SHC4: variants seen among roughly 807,000 people sequenced by gnomAD.
SHC4 encodes the protein SHC adaptor protein 4.
Under a neutral mutation model 69.4 loss-of-function variants are expected in SHC4, and 41 were observed. That is an observed-to-expected ratio of 0.59 (90% CI 0.46 to 0.77). The LOEUF (loss-of-function observed/expected upper bound fraction) is 0.77. SHC4 is among the 30% of genes least tolerant of loss of function. The probability of loss-of-function intolerance (pLI) is 0.00; values close to 1 mark genes in which losing one functional copy is unlikely to be tolerated. For synonymous variants in SHC4, 318 were observed against 299.3 expected, an observed-to-expected ratio of 1.06 and a Z score of -0.64; for missense variants, 777 against 783.8, an observed-to-expected ratio of 0.99 and a Z score of 0.10.
At chr15:48,870,907 T>C (rs1899662175) in intron 5 of SHC4, among the ~76,000 whole-genome samples, 1 of 152,204 alleles carries the variant, frequency 6.6e-6, no homozygotes, top group Non-Finnish European at 1.5e-5. Context: ...CTTTACTTCC[T>C]TTTAGGATAT....
At chr15:48,869,306 T>G (rs1899621181) in intron 5 of SHC4, among the ~76,000 whole-genome samples, 1 of 152,082 alleles carries the variant, frequency 6.6e-6, no homozygotes. Flanking sequence ...AAAATGAGGG[T>G]GAGCAAAGGC....
At chr15:48,848,090 C>A (rs1899129474) in intron 9 of SHC4, among the ~76,000 whole-genome samples, 1 of 151,312 alleles carries the variant, frequency 6.6e-6, no homozygotes, top group Non-Finnish European at 1.5e-5. Context: ...GATAGGATTA[C>A]CTGATTTATA....
chr15:48,826,185 T>C, intron 11 of SHC4, 59 bp from the exon 12 acceptor site: 6 of 1,489,734 alleles, frequency 4.0e-6, no homozygotes, highest in East Asian at 2.3e-5. Flanking sequence ...CTGAAAGATA[T>C]AAATAATAAG....
intron 1 of SHC4, among the ~76,000 whole-genome samples, chr15:48,932,954 A>T (rs1179323513): frequency 1.3e-5 from 2 of 151,912 alleles, no homozygotes; most frequent in African/African-American, 4.8e-5. Context: ...ATATGCATAT[A>T]AAAAAAATCA....
At chr15:48,937,960 AG>A (rs1468686593) in intron 1 of SHC4, among the ~76,000 whole-genome samples, 3 of 152,228 alleles carry the variant, frequency 2.0e-5, no homozygotes, top group Admixed American at 1.3e-4. Flanking sequence ...GAGATCTAAA[AG>A]TTGCAACCAA....
At chr15:48,828,280 T>C (rs1281989440) in intron 11 of SHC4, among the ~76,000 whole-genome samples, 1 of 152,144 alleles carries the variant, frequency 6.6e-6, no homozygotes, top group East Asian at 1.9e-4. Flanking sequence ...TTTATACCCA[T>C]CAAACAGCAA....
At chr15:48,874,601 C>A (rs577642199) in intron 4 of SHC4, among the ~76,000 whole-genome samples, 3 of 152,312 alleles carry the variant, frequency 2.0e-5, no homozygotes, top group Admixed American at 1.3e-4. Context: ...TTATGAGAAT[C>A]TAATGCTTGA....
intron 11 of SHC4, among the ~76,000 whole-genome samples, chr15:48,829,008 C>A (rs1898745737): frequency 6.6e-6 from 1 of 152,134 alleles, no homozygotes; most frequent in Non-Finnish European, 1.5e-5. Context: ...TGTGCAGAAG[C>A]TTTTTAGTTT....
At chr15:48,944,571 G>A (rs1901239548) in intron 1 of SHC4, among the ~76,000 whole-genome samples, 1 of 152,154 alleles carries the variant, frequency 6.6e-6, no homozygotes, top group Non-Finnish European at 1.5e-5. Context: ...AAAGCTGGAA[G>A]GATCCTGGGT....
chr15:48,858,637 T>C (rs1899378338), intron 6 of SHC4, among the ~76,000 whole-genome samples: 1 of 152,194 alleles, frequency 6.6e-6, no homozygotes, highest in Non-Finnish European at 1.5e-5. Context: ...TTAATCTCCC[T>C]ACCATATGTA....
At chr15:48,878,313 G>A (rs762807833) in intron 4 of SHC4, 2 of 1,613,668 alleles carry the variant, frequency 1.2e-6, no homozygotes, top group Non-Finnish European at 1.7e-6. Flanking sequence ...CGTCCCTCCC[G>A]CAGCGGGGCC....
In SHC4 at chr15:48,935,244, T is replaced by G. The variant is rs76731832; in HGVS notation, c.586-10295A>C. The stretch of plus-strand genomic sequence containing the variant: ...ATGAGGCATCAGCAGTGACTACAGT[T>G]TTTTGAAATATTCTGTAGCCTTGAG... On this transcript the variant is annotated intron_variant, in intron 1 of 11. Transcript: ENST00000332408. 5.4e-3 allele frequency among the ~76,000 whole-genome samples: 829 copies of G among 152,288 alleles called. 18 individuals carry two copies. The highest frequency in any genetic ancestry group is 0.019 in the African/African-American group (794 of 41,558).
At chr15:48,915,375 T>C (rs1356524984) in intron 2 of SHC4, among the ~76,000 whole-genome samples, 1 of 152,226 alleles carries the variant, frequency 6.6e-6, no homozygotes, top group Non-Finnish European at 1.5e-5. Flanking sequence ...TTTGAAGGCT[T>C]CTAAAAGGAA....
At chr15:48,877,455 TGAA>T in intron 4 of SHC4, 1 of 983,474 alleles carries the variant, frequency 1.0e-6, no homozygotes, top group African/African-American at 1.7e-5. Context: ...GCTTTTAAGT[TGAA>T]GGTAAAAACA....
At chr15:48,872,024 T>A in intron 5 of SHC4, 65 bp downstream of exon 5, 2 of 994,872 alleles carry the variant, frequency 2.0e-6, no homozygotes, top group Non-Finnish European at 3.1e-6. Flanking sequence ...TTTATTATCA[T>A]CCAGCCCCAA....
rs1212681208 is a variant in SHC4 at position 48,898,243 on chromosome 15, G to T, written c.657-7432C>A. 2.0e-5 allele frequency among the ~76,000 whole-genome samples: 3 copies of T among 152,172 alleles called. No individual in the cohort carries two copies. In the East Asian group the frequency reaches 5.8e-4, roughly 29 times the overall value. ...GAAAGCCCTCAGACAGGACACTTTA[G>T]AACAGGAACCTGCCTCTGTGGCGAT... is the stretch of plus-strand genomic sequence containing the variant. On this transcript the variant is annotated intron_variant, in intron 2 of 11. Transcript: ENST00000332408.
intron 11 of SHC4, 47 bp from the exon 12 acceptor site, chr15:48,826,173 TC>T: frequency 6.5e-7 from 1 of 1,533,086 alleles, no homozygotes; most frequent in Non-Finnish European, 8.8e-7. Flanking sequence ...ATAGTAGTTC[TC>T]CTGAAAGATA....
At chr15:48,846,061 C>T (rs2140975275) in intron 9 of SHC4, among the ~76,000 whole-genome samples, 1 of 151,724 alleles carries the variant, frequency 6.6e-6, no homozygotes, top group Middle Eastern at 3.4e-3. Context: ...AGCATTGATG[C>T]AAACACAGCT....
chr15:48,961,712 C>T (rs1232582938), intron 1 of SHC4, among the ~76,000 whole-genome samples: 2 of 152,340 alleles, frequency 1.3e-5, no homozygotes, highest in East Asian at 3.9e-4. Flanking sequence ...ATTCATTGAT[C>T]TCATTGAAAT....
Sources: gnomAD v4.1 joint callset for allele counts (sites outside exome capture counted in the v4.1 genomes callset) on GRCh38, gnomAD v4.1.1 for gene constraint, MANE v1.5 for transcripts, NCBI Gene and HGNC (gene_info 2026-07-23, HGNC 2026-07-21) for gene names.